The following VRK2 variants were observed in gnomAD, a reference collection of about 807,000 sequenced individuals.
VRK2 encodes the protein serine/threonine-protein kinase VRK2.
Under a neutral mutation model 57.6 loss-of-function variants are expected in VRK2, and 60 were observed. The ratio of observed to expected loss-of-function variants is 1.04; its 90% CI spans 0.85 to 1.29. VRK2 has a LOEUF of 1.29. VRK2 is among the 50% of genes most tolerant of loss of function. The pLI, the probability that VRK2 is intolerant of heterozygous loss-of-function variation, is 0.00. For synonymous variants in VRK2, 231 were observed against 199.2 expected, an observed-to-expected ratio of 1.16 and a Z score of -1.35; for missense variants, 705 against 588.1, an observed-to-expected ratio of 1.20 and a Z score of -2.06.
rs79877859 is a variant in VRK2 at position 58,059,990 on chromosome 2, A to T, written c.136+11023A>T. On this transcript the variant is annotated intron_variant, in intron 2 of 12. Coordinates refer to ENST00000340157, the MANE Select transcript of VRK2 (RefSeq NM_006296.7). ...ATACTTGATCTTGTTTCTATTAAAA[A>T]ATCATGTATTACAGTTCTATCTTAC... 2.8e-3 allele frequency among the ~76,000 whole-genome samples: 427 copies of T among 152,000 alleles called. 2 individuals carry two copies. The highest frequency in any genetic ancestry group is 5.0e-3 in the Non-Finnish European group (336 of 67,836).
At chr2:58,069,967 G>A (rs1389744555) in intron 2 of VRK2, among the ~76,000 whole-genome samples, 5 of 151,994 alleles carry the variant, frequency 3.3e-5, no homozygotes, top group African/African-American at 1.2e-4. Flanking sequence ...TAATCTACCT[G>A]CTATTGTATT....
intron 1 of VRK2, among the ~76,000 whole-genome samples, chr2:57,915,411 T>C (rs903577187): frequency 6.6e-6 from 1 of 152,102 alleles, no homozygotes; most frequent in African/African-American, 2.4e-5. Flanking sequence ...AAGTGGCAAG[T>C]TTTATCAGCA....
chr2:58,137,182 C>CATATATATCATATATGATACATGTATCAT, intron 10 of VRK2, among the ~76,000 whole-genome samples: 2 of 35,108 alleles, frequency 5.7e-5, no homozygotes, highest in African/African-American at 3.2e-4. Flanking sequence ...TCATATATAT[C>CATATATATCATATATGATACATGTATCAT]ATATATGATA....
At chr2:58,154,789 C>T (rs1270240217) in intron 12 of VRK2, 1 of 717,408 alleles carries the variant, frequency 1.4e-6, no homozygotes, top group East Asian at 2.7e-5. Flanking sequence ...TTTGAACCCA[C>T]TATTTTTTCT....
intron 7 of VRK2, among the ~76,000 whole-genome samples, chr2:58,109,349 A>G (rs548197908): frequency 1.3e-5 from 2 of 152,290 alleles, no homozygotes; most frequent in South Asian, 4.1e-4. Context: ...TTGTTAAAAT[A>G]GCAGATTCAT....
chr2:58,113,847 T>C (rs1675981696), intron 7 of VRK2, among the ~76,000 whole-genome samples: 2 of 152,168 alleles, frequency 1.3e-5, no homozygotes, highest in South Asian at 4.1e-4. Flanking sequence ...TGGCTTGGGC[T>C]CAGAGGCCTG....
chr2:58,150,342 T>C (rs1178713576), intron 12 of VRK2, among the ~76,000 whole-genome samples: 1 of 151,490 alleles, frequency 6.6e-6, no homozygotes, highest in Non-Finnish European at 1.5e-5. Flanking sequence ...TATTTGTATT[T>C]TTCAAAGAAT....
chr2:58,002,664 G>C (rs921780401), intron 1 of VRK2, among the ~76,000 whole-genome samples: 5 of 152,072 alleles, frequency 3.3e-5, no homozygotes, highest in Non-Finnish European at 7.4e-5. Context: ...TGGAAGCTCA[G>C]AAACAAATAT....
chr2:58,135,313 A>AAT, intron 10 of VRK2, 114 bp downstream of exon 10: 12 of 1,083,476 alleles, frequency 1.1e-5, no homozygotes, highest in South Asian at 2.8e-5. Context: ...TCAGGGTGGG[A>AAT]AGGAGGGAAC....
chr2:58,092,860 A>G (rs820608), intron 7 of VRK2, among the ~76,000 whole-genome samples: 2 of 151,752 alleles, frequency 1.3e-5, no homozygotes, highest in Admixed American at 6.6e-5. Flanking sequence ...TCCCCTTCCT[A>G]TGTCCAAGTG....
At chr2:58,134,340 G>T (rs967523771) in intron 9 of VRK2, among the ~76,000 whole-genome samples, 3 of 152,070 alleles carry the variant, frequency 2.0e-5, no homozygotes, top group Non-Finnish European at 4.4e-5. Context: ...GGCCGGGCGC[G>T]GTGGCTCACG....
intron 2 of VRK2, among the ~76,000 whole-genome samples, chr2:58,072,958 C>T (rs2196806): frequency 0.15 from 23,386 of 151,938 alleles, 2,863 homozygotes; most frequent in African/African-American, 0.34. Flanking sequence ...TATATGTATT[C>T]AATGCTATAA....
chr2:58,073,648 A>ATATATTTATATT (rs60045741), intron 2 of VRK2, among the ~76,000 whole-genome samples: 139 of 142,230 alleles, frequency 9.8e-4, no homozygotes, highest in Middle Eastern at 3.6e-3. Flanking sequence ...ATATATATAT[A>ATATATTTATATT]TATATTTATA....
At chr2:58,143,996 CATACATATATACATATACACATATATAT>C (rs1681730703) in intron 11 of VRK2, among the ~76,000 whole-genome samples, 1 of 150,928 alleles carries the variant, frequency 6.6e-6, no homozygotes, top group Non-Finnish European at 1.5e-5. Context: ...CATATATACA[CATACATATATACATATACACATATATAT>C]ATACATATAT....
intron 1 of VRK2, among the ~76,000 whole-genome samples, chr2:57,980,225 T>C (rs1200474126): frequency 1.3e-5 from 2 of 152,134 alleles, no homozygotes; most frequent in African/African-American, 4.8e-5. Flanking sequence ...GAGGTTCTGG[T>C]ATATTTATCT....
chr2:57,958,433 A>G (rs1671651792), intron 1 of VRK2, among the ~76,000 whole-genome samples: 1 of 148,140 alleles, frequency 6.8e-6, no homozygotes, highest in South Asian at 2.1e-4. Context: ...GTGTGTATAT[A>G]CATGTATATA....
chr2:57,997,141 T>C (rs1206284798), intron 1 of VRK2, among the ~76,000 whole-genome samples: 1 of 151,902 alleles, frequency 6.6e-6, no homozygotes, highest in African/African-American at 2.4e-5. Flanking sequence ...AAAGAAAAAA[T>C]AGATAATCGA....
At chr2:58,115,501 C>A (rs901977008) in intron 7 of VRK2, among the ~76,000 whole-genome samples, 7 of 152,206 alleles carry the variant, frequency 4.6e-5, no homozygotes, top group Non-Finnish European at 1.0e-4. Flanking sequence ...GCAGCGGCAG[C>A]CGCTGCATGC....
intron 1 of VRK2, among the ~76,000 whole-genome samples, chr2:57,984,953 T>G (rs976639516): frequency 1.3e-4 from 20 of 151,228 alleles, no homozygotes; most frequent in African/African-American, 4.2e-4. Context: ...TAAAAATATA[T>G]AGAGCATTTA....
Sources: gnomAD v4.1 joint callset for allele counts (sites outside exome capture counted in the v4.1 genomes callset) on GRCh38, gnomAD v4.1.1 for gene constraint, MANE v1.5 for transcripts, NCBI Gene and HGNC (gene_info 2026-07-23, HGNC 2026-07-21) for gene names.